The following DNAH11 variants were observed in gnomAD, a reference collection of about 807,000 sequenced individuals.
The protein encoded by DNAH11 is axonemal beta dynein heavy chain 11.
Under a neutral mutation model 526.0 loss-of-function variants are expected in DNAH11, and 442 were observed. That is an observed-to-expected ratio of 0.84 (90% CI 0.78 to 0.91). DNAH11 has a LOEUF of 0.91. Ranked by LOEUF, DNAH11 falls within the 40% of genes least tolerant of loss-of-function variation. The pLI is 0.00. For synonymous variants in DNAH11, 2,461 were observed against 1,935.9 expected, an observed-to-expected ratio of 1.27 and a Z score of -7.12; for missense variants, 6,989 against 5,448.7, an observed-to-expected ratio of 1.28 and a Z score of -8.90.
chr7:21,637,928 A>G (rs943297229), intron 27 of DNAH11, among the ~76,000 whole-genome samples: 29 of 152,174 alleles, frequency 1.9e-4, no homozygotes, highest in Non-Finnish European at 3.7e-4. Context: ...GAGGAGTATT[A>G]TACTAGTAAA....
At chr7:21,657,112 G>T (rs1782046277) in intron 29 of DNAH11, among the ~76,000 whole-genome samples, 1 of 152,162 alleles carries the variant, frequency 6.6e-6, no homozygotes, top group African/African-American at 2.4e-5. Flanking sequence ...CTAGAGACTT[G>T]TAAACATATA....
At chr7:21,864,501 C>T (rs371970225) in intron 69 of DNAH11, 34 bp from the exon 70 acceptor site, 4 of 1,601,250 alleles carry the variant, frequency 2.5e-6, no homozygotes, top group East Asian at 2.3e-5. Context: ...TCATGTAAAC[C>T]TAATAATCCT....
intron 72 of DNAH11, 96 bp from the exon 73 acceptor site, chr7:21,868,768 G>A: frequency 6.8e-7 from 1 of 1,472,336 alleles, no homozygotes; most frequent in Non-Finnish European, 9.2e-7. Context: ...GAAGATGGCT[G>A]CGGTGACCAC....
In DNAH11 at chr7:21,698,298, C is replaced by G. The variant is rs966827591; in HGVS notation, c.6180+85C>G. ...TATGGATTTTAGGTAATTTATCATT[C>G]AAATTACATTAGACATTAAAATTTT... On this transcript the variant is annotated intron_variant, in intron 36 of 81. Coordinates refer to ENST00000409508, the MANE Select transcript of DNAH11 (RefSeq NM_001277115.2). 5 of 1,545,560 alleles carry G rather than the reference C, an allele frequency of 3.2e-6. No individual in the cohort carries two copies. The African/African-American group carries it at 5.6e-5, about 17-fold the overall frequency.
intron 65 of DNAH11, among the ~76,000 whole-genome samples, chr7:21,837,124 A>C (rs1001012502): frequency 6.6e-6 from 1 of 152,210 alleles, no homozygotes; most frequent in Non-Finnish European, 1.5e-5. Flanking sequence ...AGAAAAGGGG[A>C]TGCTTATACA....
intron 68 of DNAH11, 81 bp downstream of exon 68, chr7:21,854,536 TG>T: frequency 5.2e-6 from 7 of 1,337,586 alleles, no homozygotes; most frequent in Non-Finnish European, 7.1e-6. Flanking sequence ...ATTTTATTAT[TG>T]ATAATAATAA....
At chr7:21,763,078 T>A (rs1199665029) in intron 54 of DNAH11, among the ~76,000 whole-genome samples, 1 of 152,186 alleles carries the variant, frequency 6.6e-6, no homozygotes, top group Non-Finnish European at 1.5e-5. Flanking sequence ...GTGCGGTGGC[T>A]CACGCCTGTA....
chr7:21,896,434 T>C (rs1281353098), intron 79 of DNAH11, among the ~76,000 whole-genome samples: 1 of 152,226 alleles, frequency 6.6e-6, no homozygotes, highest in Non-Finnish European at 1.5e-5. Context: ...GCTTTGATTG[T>C]AGAGGGTGGA....
intron 51 of DNAH11, among the ~76,000 whole-genome samples, chr7:21,745,404 C>A (rs1322569195): frequency 6.6e-6 from 1 of 152,228 alleles, no homozygotes; most frequent in East Asian, 1.9e-4. Flanking sequence ...CAGATAGGAA[C>A]ATTGCCAGCC....
intron 51 of DNAH11, among the ~76,000 whole-genome samples, chr7:21,746,884 A>G (rs1056275049): frequency 2.6e-5 from 4 of 152,132 alleles, no homozygotes; most frequent in African/African-American, 9.7e-5. Flanking sequence ...ATATACAGTC[A>G]TTGTGTATGG....
intron 2 of DNAH11, among the ~76,000 whole-genome samples, chr7:21,553,797 A>C (rs991148946): frequency 2.0e-5 from 3 of 152,228 alleles, no homozygotes; most frequent in Admixed American, 1.3e-4. Flanking sequence ...CCACAGTGGA[A>C]CCATGAGTTT....
intron 30 of DNAH11, among the ~76,000 whole-genome samples, chr7:21,679,248 A>G (rs1783042059): frequency 6.6e-6 from 1 of 152,232 alleles, no homozygotes; most frequent in Admixed American, 6.5e-5. Context: ...GATGGGGGAA[A>G]ACAGAAGATA....
rs74696832 is a variant in DNAH11, at chr7:21,692,208, A to G, written c.6041+1327A>G. ...TAGAGATAAAATTGTAAGGTTTATCATCATACCAGGTGATAGTAAAAACAT... is the reference window on the plus strand; with the variant it reads ...TAGAGATAAAATTGTAAGGTTTATCGTCATACCAGGTGATAGTAAAAACAT... On this transcript the variant is annotated intron_variant, in intron 35 of 81. Coordinates refer to ENST00000409508, the MANE Select transcript of DNAH11 (RefSeq NM_001277115.2). Among the ~76,000 whole-genome samples, 1,358 of 152,366 alleles carry G rather than the reference A, an allele frequency of 8.9e-3. 121 individuals carry two copies. The East Asian group carries it at 0.21, about 24-fold the overall frequency.
chr7:21,683,642 C>A (rs2128472984), intron 31 of DNAH11, 142 bp from the exon 32 acceptor site: 1 of 799,538 alleles, frequency 1.3e-6, no homozygotes, highest in Non-Finnish European at 1.9e-6. Context: ...CATGTATATG[C>A]TATTATAATT....
chr7:21,842,295 A>G (rs1782233586), intron 65 of DNAH11, among the ~76,000 whole-genome samples: 1 of 152,218 alleles, frequency 6.6e-6, no homozygotes, highest in African/African-American at 2.4e-5. Flanking sequence ...TTTAATTGTT[A>G]CAGTGACACT....
At position 21,606,615 on chromosome 7, in the gene DNAH11, CTTT is replaced by C. The variant is rs372802563; in HGVS notation, c.3766-14_3766-12del. ...AATTGAAGTATTTGTTTGAAATTCA[CTTT>C]TTTTTTTTTTTTTTTTTGCAATGAT... On this transcript the variant is annotated intron_variant, in intron 19 of 81. Transcript: ENST00000409508. The C allele has an allele frequency of 9.7e-3, 11,494 of 1,179,766 alleles. 129 individuals are homozygous for C. The African/African-American group carries it at 0.1, about 11-fold the overall frequency. The allele number at this position is 1,179,766 out of a possible 1,614,324, so 73.1% of individuals were successfully genotyped here.
Position 21,891,475 on chromosome 7 carries a change from C to A in DNAH11, c.12508-950C>A, listed in dbSNP as rs186609397. 1.0e-3 allele frequency among the ~76,000 whole-genome samples: 158 copies of A among 152,274 alleles called. No individual in the cohort carries two copies. The Middle Eastern group carries it at 0.017, about 16-fold the overall frequency. Reference sequence around the variant, plus strand: ...AGGGAAAAATAAATCTGAGATTATACTGTTACTTAGAAAATTGTAAGCACT... The same window carrying A: ...AGGGAAAAATAAATCTGAGATTATAATGTTACTTAGAAAATTGTAAGCACT... On this transcript the variant is annotated intron_variant, in intron 76 of 81. Coordinates refer to ENST00000409508, the MANE Select transcript of DNAH11 (RefSeq NM_001277115.2).
At chr7:21,670,250 T>C (rs780483158) in intron 30 of DNAH11, among the ~76,000 whole-genome samples, 2 of 152,054 alleles carry the variant, frequency 1.3e-5, no homozygotes, top group Non-Finnish European at 2.9e-5. Context: ...CCTTGCACAT[T>C]TCTCATTAGA....
intron 79 of DNAH11, 45 bp from the exon 80 acceptor site, chr7:21,899,291 A>G (rs763386721): frequency 5.3e-6 from 8 of 1,513,036 alleles, no homozygotes; most frequent in Admixed American, 1.7e-5. Flanking sequence ...GAAAATGGCT[A>G]TTTTACTGAA....
Sources: allele counts gnomAD v4.1 joint callset (sites outside exome capture counted in the v4.1 genomes callset), GRCh38; gene constraint gnomAD v4.1.1; transcripts MANE v1.5; gene names NCBI Gene and HGNC (gene_info 2026-07-23, HGNC 2026-07-21).